Variants in SRPK2 observed in about 807,000 individuals in gnomAD.
The protein encoded by SRPK2 is SRSF protein kinase 2.
Under a neutral mutation model 90.8 loss-of-function variants are expected in SRPK2, and 21 were observed. The ratio of observed to expected loss-of-function variants is 0.23; its 90% CI spans 0.16 to 0.33. SRPK2 has a LOEUF of 0.33. SRPK2 is among the 10% of genes least tolerant of loss of function. The pLI is 1.00. For missense variants in SRPK2, 620 were observed against 869.0 expected (o/e 0.71, Z 3.60); for synonymous variants, 288 against 311.1 (o/e 0.93, Z 0.78).
intron 2 of SRPK2, among the ~76,000 whole-genome samples, chr7:105,236,296 ATG>A (rs1800131862): frequency 6.6e-6 from 1 of 152,202 alleles, no homozygotes; most frequent in African/African-American, 2.4e-5. Flanking sequence ...TGACAGCATT[ATG>A]GACAGTAGTG....
chr7:105,238,246 AATCATCATCGTCGTCATCATCCTC>A (rs1297318673), intron 2 of SRPK2, among the ~76,000 whole-genome samples: 2 of 152,202 alleles, frequency 1.3e-5, no homozygotes, highest in African/African-American at 4.8e-5. Flanking sequence ...AAGGTAACAA[AATCATCATCGTCGTCATCATCCTC>A]ATCATCATCA....
intron 6 of SRPK2, among the ~76,000 whole-genome samples, chr7:105,162,535 A>G (rs955696181): frequency 6.6e-6 from 1 of 152,222 alleles, no homozygotes; most frequent in African/African-American, 2.4e-5. Context: ...ATCAACTATA[A>G]TAACTGAATA....
intron 3 of SRPK2, among the ~76,000 whole-genome samples, chr7:105,193,073 A>T (rs2129606199): frequency 6.6e-6 from 1 of 152,146 alleles, no homozygotes; most frequent in East Asian, 1.9e-4. Context: ...CTTTGTTTTG[A>T]TCACATTTGC....
chr7:105,231,926 T>C (rs1051152477), intron 2 of SRPK2, among the ~76,000 whole-genome samples: 3 of 152,198 alleles, frequency 2.0e-5, no homozygotes, highest in African/African-American at 7.2e-5. Flanking sequence ...GGTGTGATCA[T>C]AACTCACTGT....
At chr7:105,305,328 C>T (rs992187157) in intron 2 of SRPK2, among the ~76,000 whole-genome samples, 28 of 152,090 alleles carry the variant, frequency 1.8e-4, no homozygotes, top group Non-Finnish European at 3.7e-4. Context: ...CACCTGTAAT[C>T]CCAGCTACTG....
intron 2 of SRPK2, among the ~76,000 whole-genome samples, chr7:105,265,387 T>C (rs1328076889): frequency 6.6e-6 from 1 of 152,232 alleles, no homozygotes; most frequent in African/African-American, 2.4e-5. Flanking sequence ...ACACAGGTTA[T>C]GTGCAAATAC....
Position 105,284,306 on chromosome 7 carries a change from GA to G in SRPK2, c.72-80522del. Reference sequence around the variant, plus strand: ...ATTAACACTGGGCCCACTCCAAACAGAAAAAAATGGTACATGCAAAGCTACA... The same window carrying G: ...ATTAACACTGGGCCCACTCCAAACAGAAAAAATGGTACATGCAAAGCTACA... On this transcript the variant is annotated intron_variant, in intron 2 of 15. Coordinates refer to ENST00000393651, the MANE Select transcript of SRPK2 (RefSeq NM_182692.3). 1.3e-5 allele frequency among the ~76,000 whole-genome samples: 2 copies of G among 152,008 alleles called. 1 individual carries two copies.
At chr7:105,263,789 A>ATTTTTTTC (rs1804663238) in intron 2 of SRPK2, among the ~76,000 whole-genome samples, 2 of 152,190 alleles carry the variant, frequency 1.3e-5, no homozygotes, top group Non-Finnish European at 2.9e-5. Context: ...AATTTCAATA[A>ATTTTTTTC]ACTGTATTTC....
chr7:105,290,196 T>TAA (rs1808771792), intron 2 of SRPK2, among the ~76,000 whole-genome samples: 1 of 69,124 alleles, frequency 1.4e-5, no homozygotes, highest in Non-Finnish European at 3.3e-5. Context: ...CACAGGCTCT[T>TAA]CAAAAAAAAA....
chr7:105,178,692 C>A (rs1391109212), intron 3 of SRPK2, among the ~76,000 whole-genome samples: 1 of 152,076 alleles, frequency 6.6e-6, no homozygotes, highest in East Asian at 1.9e-4. Flanking sequence ...CATGGTGGCG[C>A]ATGCGTATGA....
intron 2 of SRPK2, among the ~76,000 whole-genome samples, chr7:105,249,334 T>C (rs2129630242): frequency 6.6e-6 from 1 of 152,292 alleles, no homozygotes; most frequent in South Asian, 2.1e-4. Flanking sequence ...GCCATCTACA[T>C]TACTTATCAA....
chr7:105,200,492 A>G (rs774483440), intron 3 of SRPK2, among the ~76,000 whole-genome samples: 13 of 152,264 alleles, frequency 8.5e-5, no homozygotes, highest in Non-Finnish European at 1.5e-4. Context: ...CCGAGACAGA[A>G]AGTCAGCCCG....
intron 11 of SRPK2, among the ~76,000 whole-genome samples, chr7:105,134,607 G>A (rs528873091): frequency 6.6e-6 from 1 of 152,220 alleles, no homozygotes; most frequent in South Asian, 2.1e-4. Context: ...CTCTGTTGGG[G>A]TACATACGAG....
chr7:105,284,220 TG>T (rs1191677981), intron 2 of SRPK2, among the ~76,000 whole-genome samples: 1 of 151,404 alleles, frequency 6.6e-6, no homozygotes, highest in Non-Finnish European at 1.5e-5. Context: ...GGAAAGGGAG[TG>T]GTCATCAAGG....
chr7:105,277,573 T>C (rs989317998), intron 2 of SRPK2, among the ~76,000 whole-genome samples: 5 of 152,340 alleles, frequency 3.3e-5, no homozygotes, highest in Admixed American at 1.3e-4. Flanking sequence ...GGAGGGTGGA[T>C]GATTAACTGA....
intron 2 of SRPK2, among the ~76,000 whole-genome samples, chr7:105,280,970 A>C (rs1343640316): frequency 1.4e-5 from 2 of 147,668 alleles, no homozygotes; most frequent in Non-Finnish European, 3.0e-5. Context: ...AAAAAAAAAA[A>C]AAAAAAAAAA....
intron 3 of SRPK2, among the ~76,000 whole-genome samples, chr7:105,188,642 C>A (rs1414388349): frequency 6.6e-6 from 1 of 152,040 alleles, no homozygotes; most frequent in Non-Finnish European, 1.5e-5. Context: ...AAAACAGGAT[C>A]CAAAACAAAG....
chr7:105,158,462 C>G (rs1806879036), intron 7 of SRPK2, among the ~76,000 whole-genome samples: 1 of 152,086 alleles, frequency 6.6e-6, no homozygotes, highest in Non-Finnish European at 1.5e-5. Flanking sequence ...ACCATGCTGG[C>G]CAGGCTGGTC....
At chr7:105,392,987 ATT>A (rs113221953), upstream of SRPK2, among the ~76,000 whole-genome samples, 18 of 94,928 alleles carry the variant, frequency 1.9e-4, no homozygotes, top group Admixed American at 2.2e-4. Context: ...TAATTTTTGT[ATT>A]TTTTTTTTTT....
Sources: allele counts gnomAD v4.1 joint callset (sites outside exome capture counted in the v4.1 genomes callset), GRCh38; gene constraint gnomAD v4.1.1; transcripts MANE v1.5; gene names NCBI Gene and HGNC (gene_info 2026-07-23, HGNC 2026-07-21).